LATS1: variants seen among roughly 807,000 people sequenced by gnomAD.
The protein encoded by LATS1 is serine/threonine-protein kinase LATS1.
In LATS1, 25 loss-of-function variants were observed where a neutral mutation model predicts 106.6. The observed-to-expected ratio is 0.23, with a 90% CI of 0.17 to 0.33. The LOEUF (loss-of-function observed/expected upper bound fraction) is 0.33, where lower values mean the gene tolerates loss of function less well. Among genes scored for constraint, LATS1 ranks in the 10% least tolerant of loss-of-function variants. The probability of loss-of-function intolerance (pLI) is 1.00; values close to 1 mark genes in which losing one functional copy is unlikely to be tolerated. For synonymous variants in LATS1, 465 were observed against 455.6 expected (o/e 1.02, Z -0.26); for missense variants, 1,040 against 1,382.6 (o/e 0.75, Z 3.93).
Position 149,659,194 on chromosome 6 carries a change from G to A in LATS1, c.*2535C>T, listed in dbSNP as rs377381013. On this transcript the variant is annotated 3_prime_UTR_variant, in exon 8 of 8. Transcript: ENST00000543571. ...AAAAGAATACATATTTGCGCCAGGC[G>A]CGGTGGGTCACGTCTGTAATCCCAG... is the stretch of plus-strand genomic sequence containing the variant. 2.8e-5 allele frequency: 5 copies of A among 177,184 alleles called. No homozygotes were observed. Among genetic ancestry groups the A allele is most frequent in the Non-Finnish European group, 4.9e-5 (4 of 82,346 alleles). 11.0% of individuals were successfully genotyped at this position (177,184 alleles called of 1,614,324 possible).
Position 149,718,098 on chromosome 6 carries a change from C to A in LATS1, c.-390G>T, listed in dbSNP as rs1582946984. On this transcript the variant is annotated 5_prime_UTR_variant, in exon 1 of 8. Transcript: ENST00000543571. ...ACTCAGTGTCGCCGCCGCCGCACTCCGCTGCAGGTTTCCCGGATGTGGGCA... is the reference window on the plus strand; with the variant it reads ...ACTCAGTGTCGCCGCCGCCGCACTCAGCTGCAGGTTTCCCGGATGTGGGCA... 2 of 290,342 alleles carry A rather than the reference C, an allele frequency of 6.9e-6. No individual in the cohort carries two copies. Among genetic ancestry groups the A allele is most frequent in the East Asian group, 1.7e-4 (1 of 5,718 alleles). The allele number at this position is 290,342 out of a possible 1,614,324, so 18.0% of individuals were successfully genotyped here.
intron 7 of LATS1, among the ~76,000 whole-genome samples, chr6:149,674,848 G>A (rs1781627697): frequency 6.6e-6 from 1 of 152,086 alleles, no homozygotes; most frequent in African/African-American, 2.4e-5. Flanking sequence ...GAGGTTGCAT[G>A]AGAGGAGATC....
At chr6:149,692,420 T>TA (rs576816388) in intron 3 of LATS1, among the ~76,000 whole-genome samples, 510 of 150,094 alleles carry the variant, frequency 3.4e-3, no homozygotes, top group Non-Finnish European at 5.4e-3. Flanking sequence ...TTGATGCGGT[T>TA]AAAAAAAAAA....
intron 2 of LATS1, among the ~76,000 whole-genome samples, 161 bp from the exon 3 acceptor site, chr6:149,695,382 G>A (rs575963638): frequency 2.1e-4 from 32 of 152,008 alleles, no homozygotes; most frequent in Non-Finnish European, 4.1e-4. Context: ...TAAAAACCCC[G>A]CACAAAATCT....
At chr6:149,676,814 C>T (rs989509419) in intron 5 of LATS1, 77 bp from the exon 6 acceptor site, 45 of 1,341,896 alleles carry the variant, frequency 3.4e-5, no homozygotes, top group African/African-American at 1.4e-5. Flanking sequence ...CTTCTGACAT[C>T]GTGGTTTAGG....
At position 149,684,414 on chromosome 6, in the gene LATS1, T is replaced by C. The variant is rs1312208604; in HGVS notation, c.675A>G (p.Gln225=). 2 of 1,613,926 alleles carry C rather than the reference T, an allele frequency of 1.2e-6. No individual in the cohort carries two copies. Among genetic ancestry groups the C allele is most frequent in the Non-Finnish European group, 1.7e-6 (2 of 1,180,004 alleles). The change falls in exon 4 of 8, where the codon CAA becomes CAG. Residue 225 remains glutamine, a synonymous_variant. Transcript: ENST00000543571. ...CTCTCTGTCCGTTGCTAGGGTGAGC[T>C]TGAACAAATGCTGATATACCAGATC... ...LSGSGISAFV[Q]AHPSNGQRVN...
chr6:149,697,960 G>A (rs144160436), intron 2 of LATS1, among the ~76,000 whole-genome samples: 13 of 152,142 alleles, frequency 8.5e-5, no homozygotes, highest in Admixed American at 3.3e-4. Flanking sequence ...GGTTGGTCTC[G>A]AACTCCTGAC....
rs769042264 is a variant in LATS1, at chr6:149,684,381, G to C, written c.708C>G (p.Pro236=). The C allele has an allele frequency of 3.7e-6, 6 of 1,613,882 alleles. No individual in the cohort carries two copies. The highest frequency in any genetic ancestry group is 5.1e-6 in the Non-Finnish European group (6 of 1,179,972). The change falls in exon 4 of 8, where the codon CCC becomes CCG. Residue 236 remains proline (P), a synonymous_variant. Transcript: ENST00000543571. ...CACTCCTTACTTGAGGTGGTGGTGG[G>C]GGGTTCACTCTCTGTCCGTTGCTAG... ...AHPSNGQRVN[P]PPPPQVRSVT...
intron 7 of LATS1, chr6:149,675,967 T>C (rs1439128462): frequency 3.3e-6 from 1 of 303,464 alleles, no homozygotes; most frequent in African/African-American, 2.2e-5. Context: ...ACGCATGCAA[T>C]TCTGGTGAGT....
intron 1 of LATS1, among the ~76,000 whole-genome samples, chr6:149,706,034 T>C (rs1241390838): frequency 6.6e-6 from 1 of 150,418 alleles, no homozygotes; most frequent in East Asian, 1.9e-4. Context: ...AAATACAAAA[T>C]TAGCTGGGTG....
chr6:149,706,791 G>A (rs1031685590), intron 1 of LATS1, among the ~76,000 whole-genome samples: 5 of 152,074 alleles, frequency 3.3e-5, no homozygotes, highest in African/African-American at 1.2e-4. Context: ...TTCTCTCCTA[G>A]AGCCTCTGGA....
rs545065332 is a variant in LATS1, at chr6:149,678,201, G to A, written c.2594-1464C>T. Among the ~76,000 whole-genome samples, 104 of 138,230 alleles carry A rather than the reference G, an allele frequency of 7.5e-4. 1 individual carries two copies. The highest frequency in any genetic ancestry group is 3.8e-3 in the Middle Eastern group (1 of 264). 90.7% of individuals were successfully genotyped at this position (138,230 alleles called of 152,430 possible). On this transcript the variant is annotated intron_variant, in intron 5 of 7. Coordinates refer to ENST00000543571, the MANE Select transcript of LATS1 (RefSeq NM_004690.4). Reference sequence around the variant, plus strand: ...AAAAAAAAAAAAAAAAAAAATAGCCGGGCGTGGTTGCCGGCGGCTGTAGTC... The same window carrying A: ...AAAAAAAAAAAAAAAAAAAATAGCCAGGCGTGGTTGCCGGCGGCTGTAGTC...
rs568682245 is a variant in LATS1, at chr6:149,659,289, G to A, written c.*2440C>T. On this transcript the variant is annotated 3_prime_UTR_variant, in exon 8 of 8. Transcript: ENST00000543571. ...TCCACACCAACCTGGGCAACATGGC[G>A]AAACCCCATCTCTACTAAAGATACA... 2.2e-5 allele frequency: 4 copies of A among 183,302 alleles called. No homozygotes were observed. Among genetic ancestry groups the A allele is most frequent in the South Asian group, 2.0e-4 (1 of 5,068 alleles). 11.4% of individuals were successfully genotyped at this position (183,302 alleles called of 1,614,324 possible).
chr6:149,676,865 T>C, intron 5 of LATS1, 128 bp from the exon 6 acceptor site: 1 of 763,900 alleles, frequency 1.3e-6, no homozygotes, highest in Non-Finnish European at 2.1e-6. Flanking sequence ...AGACACAATG[T>C]ATGCCAAATC....
intron 2 of LATS1, among the ~76,000 whole-genome samples, chr6:149,699,123 G>A (rs1226641325): frequency 2.7e-5 from 4 of 150,104 alleles, no homozygotes; most frequent in Admixed American, 2.7e-4. Flanking sequence ...TAGGGTTTCT[G>A]AAATGATAAA....
Position 149,708,475 on chromosome 6 carries a change from C to T in LATS1, c.-140-6209G>A, listed in dbSNP as rs189374772. The stretch of plus-strand genomic sequence containing the variant: ...AATCTAAATCTTCTGATCTCAAAAA[C>T]GCTGAAATGGAGGAATTGTGTATAT... On this transcript the variant is annotated intron_variant, in intron 1 of 7. Coordinates refer to ENST00000543571, the MANE Select transcript of LATS1 (RefSeq NM_004690.4). Among the ~76,000 whole-genome samples the T allele has an allele frequency of 2.1e-4, 32 of 151,356 alleles. No individual in the cohort carries two copies. In the East Asian group the frequency reaches 5.6e-3, roughly 27 times the overall value.
chr6:149,661,010 T>A lies in LATS1; in HGVS notation c.*719A>T, dbSNP rs972590716. 2.9e-5 allele frequency: 6 copies of A among 205,894 alleles called. No homozygotes were observed. The highest frequency in any genetic ancestry group is 5.8e-5 in the Non-Finnish European group (6 of 102,620). 12.8% of individuals were successfully genotyped at this position (205,894 alleles called of 1,614,324 possible). On this transcript the variant is annotated 3_prime_UTR_variant, in exon 8 of 8. Transcript: ENST00000543571. ...TTGGAAGCAGCATCAAAAATACCAA[T>A]ATGGAAAAAAAGCTAGTAGTGCTTT...
chr6:149,690,715 T>C lies in LATS1; in HGVS notation c.496+4359A>G, dbSNP rs187423001. 1.6e-3 allele frequency among the ~76,000 whole-genome samples: 246 copies of C among 151,936 alleles called. 2 individuals are homozygous for C. Among genetic ancestry groups the C allele is most frequent in the Non-Finnish European group, 2.6e-3 (180 of 67,950 alleles). On this transcript the variant is annotated intron_variant, in intron 3 of 7. Transcript: ENST00000543571. ...GCACATGTCACCAAACCTGGATAAT[T>C]TTTTGTAGAGCCAGGGTTTCACCAT...
intron 5 of LATS1, among the ~76,000 whole-genome samples, chr6:149,679,507 G>A (rs969622875): frequency 6.7e-6 from 1 of 149,004 alleles, no homozygotes; most frequent in East Asian, 2.0e-4. Context: ...AGCCAAGATG[G>A]TGCCACTGCA....
Sources: allele counts gnomAD v4.1 joint callset (sites outside exome capture counted in the v4.1 genomes callset), GRCh38; gene constraint gnomAD v4.1.1; transcripts MANE v1.5; gene names NCBI Gene and HGNC (gene_info 2026-07-23, HGNC 2026-07-21).